GPC3: variants seen among roughly 807,000 people sequenced by gnomAD.
GPC3 encodes glypican 3, also known as glypican-3.
Under a neutral mutation model 34.4 loss-of-function variants are expected in GPC3, and 3 were observed. The ratio of observed to expected loss-of-function variants is 0.09; its 90% CI spans 0.04 to 0.23. The LOEUF is 0.23. Ranked by LOEUF, GPC3 falls within the 10% of genes least tolerant of loss-of-function variation. The pLI, the probability that GPC3 is intolerant of heterozygous loss-of-function variation, is 1.00. For missense variants in GPC3, 351 were observed against 445.6 expected (o/e 0.79, Z 1.91); for synonymous variants, 177 against 174.0 (o/e 1.02, Z -0.13).
chrX:133,541,068 GC>G (rs747444527), intron 7 of GPC3, among the ~76,000 whole-genome samples: 30 of 110,010 alleles, frequency 2.7e-4, no homozygotes, highest in Non-Finnish European at 4.9e-4. Context: ...GCAACAGGGA[GC>G]CACTGAAGGT....
chrX:133,881,857 C>T (rs1267209374), intron 2 of GPC3, among the ~76,000 whole-genome samples: 1 of 112,501 alleles, frequency 8.9e-6, no homozygotes, highest in Admixed American at 9.4e-5. Flanking sequence ...AAACTCTTCC[C>T]CAAGTTGCTA....
intron 7 of GPC3, among the ~76,000 whole-genome samples, chrX:133,594,535 C>T (rs1484232189): frequency 1.8e-5 from 2 of 111,920 alleles, no homozygotes; most frequent in African/African-American, 6.5e-5. Flanking sequence ...ATTACTCAGT[C>T]TTAAAAAGAA....
chrX:133,751,213 C>G (rs2071665345), intron 3 of GPC3, among the ~76,000 whole-genome samples: 1 of 111,576 alleles, frequency 9.0e-6, no homozygotes, highest in Non-Finnish European at 1.9e-5. Context: ...CACTCCTACA[C>G]CCTGTCTTTA....
intron 7 of GPC3, among the ~76,000 whole-genome samples, chrX:133,550,267 G>A (rs2069423259): frequency 9.1e-6 from 1 of 110,338 alleles, no homozygotes; most frequent in Middle Eastern, 4.6e-3. Context: ...TGCCTGTCTC[G>A]GCCTCCTAAA....
chrX:133,807,099 T>C (rs2075640327), intron 2 of GPC3, among the ~76,000 whole-genome samples: 1 of 111,799 alleles, frequency 8.9e-6, no homozygotes, highest in Admixed American at 9.5e-5. Flanking sequence ...CATGTTGAAA[T>C]TGGATCCCCA....
At chrX:133,825,763 T>G (rs1424676358) in intron 2 of GPC3, among the ~76,000 whole-genome samples, 1 of 112,218 alleles carries the variant, frequency 8.9e-6, no homozygotes, top group Non-Finnish European at 1.9e-5. Flanking sequence ...GTCTTACTTA[T>G]GGTTGACCTT....
intron 3 of GPC3, among the ~76,000 whole-genome samples, chrX:133,709,025 AT>A (rs1266647557): frequency 8.9e-6 from 1 of 111,742 alleles, no homozygotes; most frequent in Admixed American, 9.5e-5. Context: ...TCAATTTTTT[AT>A]TTCTTTAAAC....
chrX:133,952,938 C>G, intron 2 of GPC3, 112 bp downstream of exon 2: 1 of 706,093 alleles, frequency 1.4e-6, no homozygotes, highest in South Asian at 2.3e-5. Context: ...TTTTTAATAG[C>G]AAGCATTAAT....
intron 7 of GPC3, among the ~76,000 whole-genome samples, chrX:133,562,667 C>T (rs1158101250): frequency 9.0e-6 from 1 of 111,535 alleles, no homozygotes; most frequent in African/African-American, 3.3e-5. Context: ...TTAATGTCTG[C>T]ACCTCAGTCT....
Position 133,753,933 on chromosome X carries a change from A to G in GPC3, c.581T>C (p.Ile194Thr). The G allele has an allele frequency of 8.3e-7, 1 of 1,211,448 alleles. No homozygotes were observed. Among genetic ancestry groups the G allele is most frequent in the Non-Finnish European group, 1.1e-6 (1 of 895,035 alleles). ...NPGLPDSALD[I>T]NECLRGARRD... The stretch of plus-strand genomic sequence containing the variant: ...TCTTGCTCCTCGGAGGCACTCATTG[A>G]TGTCCAAGGCTGAATCAGGCAGGCC... The change falls in exon 3 of 8, where the codon ATC (isoleucine) becomes ACC (threonine). Residue 194 changes from isoleucine to threonine, a missense_variant. Physicochemically the swap from Ile to Thr is moderately conservative, Grantham distance 89 (BLOSUM62 -1). Coordinates refer to ENST00000370818, the MANE Select transcript of GPC3 (RefSeq NM_004484.4).
intron 6 of GPC3, among the ~76,000 whole-genome samples, chrX:133,598,775 T>C (rs1459241542): frequency 8.9e-6 from 1 of 112,013 alleles, no homozygotes; most frequent in Non-Finnish European, 1.9e-5. Context: ...ACACGCATTT[T>C]ACTCATTTTG....
At position 133,841,215 on chromosome X, in the gene GPC3, A is replaced by ATTTTTTTTTTTTTTT. The variant is rs769696321; in HGVS notation, c.338-87054_338-87040dup. ...ACCACCATGCCTGGCTAATCTTTTA[A>ATTTTTTTTTTTTTTT]TTTTTTTTTTTTTTTTTTTTTTTGG... On this transcript the variant is annotated intron_variant, in intron 2 of 7. Transcript: ENST00000370818. Among the ~76,000 whole-genome samples, 269 of 39,226 alleles carry ATTTTTTTTTTTTTTT rather than the reference A, an allele frequency of 6.9e-3. 64 individuals are homozygous for ATTTTTTTTTTTTTTT. The highest frequency in any genetic ancestry group is 8.2e-3 in the African/African-American group (118 of 14,310). 34.1% of individuals were successfully genotyped at this position (39,226 alleles called of 115,157 possible).
At chrX:133,886,431 T>C (rs1404377257) in intron 2 of GPC3, among the ~76,000 whole-genome samples, 4 of 111,766 alleles carry the variant, frequency 3.6e-5, no homozygotes, top group Non-Finnish European at 7.5e-5. Flanking sequence ...AAAAAATTCA[T>C]TAGATATTGA....
intron 6 of GPC3, among the ~76,000 whole-genome samples, chrX:133,620,216 T>A (rs1265732781): frequency 4.4e-5 from 3 of 68,334 alleles, no homozygotes; most frequent in Non-Finnish European, 7.1e-5. Flanking sequence ...CAAGACTCTG[T>A]CTCAAAAAAA....
intron 2 of GPC3, among the ~76,000 whole-genome samples, chrX:133,883,515 T>C (rs1337748439): frequency 8.9e-6 from 1 of 111,985 alleles, no homozygotes; most frequent in African/African-American, 3.2e-5. Flanking sequence ...GGACACAGAA[T>C]AAAGTAGGGG....
intron 2 of GPC3, among the ~76,000 whole-genome samples, chrX:133,828,859 T>C (rs1211459053): frequency 1.8e-5 from 2 of 111,890 alleles, no homozygotes; most frequent in Admixed American, 1.9e-4. Flanking sequence ...AAAAAAAAAG[T>C]ACATAAGTAG....
intron 2 of GPC3, among the ~76,000 whole-genome samples, chrX:133,850,046 T>C (rs925536123): frequency 1.8e-5 from 2 of 111,321 alleles, no homozygotes; most frequent in Admixed American, 1.9e-4. Context: ...TTATGCAAAA[T>C]ATTATGATGG....
chrX:133,683,303 T>A (rs1384381332), intron 5 of GPC3, among the ~76,000 whole-genome samples: 1 of 112,452 alleles, frequency 8.9e-6, no homozygotes, highest in African/African-American at 3.2e-5. Flanking sequence ...AATTTACCCA[T>A]TTCTTAAAAG....
At chrX:133,931,735 G>A (rs1224547780) in intron 2 of GPC3, among the ~76,000 whole-genome samples, 1 of 111,757 alleles carries the variant, frequency 8.9e-6, no homozygotes, top group Non-Finnish European at 1.9e-5. Context: ...AAGGACTAAG[G>A]ACTAAGCCCT....
Sources: allele counts gnomAD v4.1 joint callset (sites outside exome capture counted in the v4.1 genomes callset), GRCh38; gene constraint gnomAD v4.1.1; transcripts MANE v1.5; gene names NCBI Gene and HGNC (gene_info 2026-07-23, HGNC 2026-07-21).